The following INO80 variants were observed in gnomAD, a reference collection of about 807,000 sequenced individuals.
INO80 encodes chromatin-remodeling ATPase INO80.
In INO80, 20 loss-of-function variants were observed where a neutral mutation model predicts 203.4. That is an observed-to-expected ratio of 0.10 (90% confidence interval 0.07 to 0.14). INO80 has a LOEUF of 0.14. Among genes scored for constraint, INO80 ranks in the 10% least tolerant of loss-of-function variants. The pLI is 1.00. For missense variants in INO80, 1,419 were observed against 1,914.4 expected, an observed-to-expected ratio of 0.74 and a Z score of 4.83; for synonymous variants, 726 against 685.2, an observed-to-expected ratio of 1.06 and a Z score of -0.93.
chr15:41,050,772 GA>G (rs2044855124), intron 19 of INO80, among the ~76,000 whole-genome samples: 1 of 152,278 alleles, frequency 6.6e-6, no homozygotes, highest in African/African-American at 2.4e-5. Context: ...TTCAACTGCT[GA>G]AAAATCTTCA....
chr15:41,087,469 G>C, intron 6 of INO80, 93 bp downstream of exon 6: 1 of 1,307,582 alleles, frequency 7.6e-7, no homozygotes, highest in Non-Finnish European at 1.1e-6. Flanking sequence ...TCTACCATAT[G>C]GACTTATATA....
chr15:41,075,322 G>A (rs1410157741), intron 9 of INO80, among the ~76,000 whole-genome samples: 2 of 151,454 alleles, frequency 1.3e-5, no homozygotes, highest in African/African-American at 4.9e-5. Flanking sequence ...CCAGGCTGGA[G>A]TGCAATGGCA....
chr15:41,044,683 C>G (rs1425230818), intron 24 of INO80, among the ~76,000 whole-genome samples: 2 of 120,424 alleles, frequency 1.7e-5, no homozygotes, highest in Non-Finnish European at 3.6e-5. Flanking sequence ...GATCTGTGTA[C>G]TTCACAGTAT....
At chr15:41,105,167 C>A (rs777707358) in intron 1 of INO80, among the ~76,000 whole-genome samples, 7 of 152,124 alleles carry the variant, frequency 4.6e-5, no homozygotes, top group Admixed American at 3.3e-4. Flanking sequence ...TACTTTCACT[C>A]TATTAACTAT....
chr15:41,046,196 CGTATACATACATATATATAT>C (rs1566926465), intron 23 of INO80, among the ~76,000 whole-genome samples: 1 of 58,980 alleles, frequency 1.7e-5, no homozygotes, highest in African/African-American at 7.7e-5. Context: ...TCTCTGTGTG[CGTATACATACATATATATAT>C]ATATATATAT....
At chr15:41,003,329 CTTTTCTTTTTTTTT>C (rs1343269823) in intron 28 of INO80, among the ~76,000 whole-genome samples, 1 of 107,576 alleles carries the variant, frequency 9.3e-6, no homozygotes, top group Non-Finnish European at 1.9e-5. Context: ...TTTTTCTTTT[CTTTTCTTTTTTTTT>C]TTTTTGAGAT....
rs180703942 is a variant in INO80, at chr15:41,041,158, C to T, written c.2907+3746G>A. Among the ~76,000 whole-genome samples, 408 of 152,278 alleles carry T rather than the reference C, an allele frequency of 2.7e-3. 3 individuals are homozygous for T. Among genetic ancestry groups the T allele is most frequent in the South Asian group, 0.013 (61 of 4,832 alleles). On this transcript the variant is annotated intron_variant, in intron 24 of 35. Coordinates refer to ENST00000648947, the MANE Select transcript of INO80 (RefSeq NM_017553.3). ...CACCGTTTATTGTAGCCTCAACCTC[C>T]TGGGCTCAGGCGATCCTTCCACCTC...
At chr15:40,999,320 G>C (rs183349599) in intron 28 of INO80, 1 of 152,214 alleles carries the variant, frequency 6.6e-6, no homozygotes, top group Admixed American at 6.5e-5. Flanking sequence ...TCTGTTTCCT[G>C]GACTATAAAA....
chr15:41,010,382 C>T (rs1368992725), intron 27 of INO80, among the ~76,000 whole-genome samples: 1 of 152,086 alleles, frequency 6.6e-6, no homozygotes, highest in Non-Finnish European at 1.5e-5. Flanking sequence ...TCTGTAACAG[C>T]TTCCAATCAC....
chr15:41,072,120 TAAGACTC>T (rs956678149), intron 11 of INO80, 62 bp from the exon 12 acceptor site: 1 of 1,139,692 alleles, frequency 8.8e-7, no homozygotes. Context: ...TACATGAAAA[TAAGACTC>T]AAGATAACAA....
intron 16 of INO80, among the ~76,000 whole-genome samples, chr15:41,057,408 C>T (rs1332575636): frequency 2.0e-5 from 3 of 150,952 alleles, no homozygotes; most frequent in South Asian, 2.1e-4. Flanking sequence ...GCCCCAACTG[C>T]GCCACTGCAC....
intron 1 of INO80, among the ~76,000 whole-genome samples, chr15:41,105,880 T>C (rs1281174759): frequency 6.6e-6 from 1 of 152,182 alleles, no homozygotes; most frequent in African/African-American, 2.4e-5. Context: ...AAGGTTCATC[T>C]TATGTATATT....
At position 40,989,609 on chromosome 15, in the gene INO80, CTT is replaced by C. The variant is rs374808956; in HGVS notation, c.3571-1637_3571-1636del. On this transcript the variant is annotated intron_variant, in intron 29 of 35. Transcript: ENST00000648947. ...AGCACTCTGTTACATCAGCAGGACT[CTT>C]AGATCTCGGTCTCTTTCCTCTTCAG... 6.6e-4 allele frequency among the ~76,000 whole-genome samples: 101 copies of C among 152,308 alleles called. 2 individuals are homozygous for C. Among genetic ancestry groups the C allele is most frequent in the African/African-American group, 2.4e-3 (99 of 41,570 alleles).
chr15:40,987,507 A>G (rs1349932127), intron 30 of INO80, among the ~76,000 whole-genome samples: 1 of 152,224 alleles, frequency 6.6e-6, no homozygotes, highest in Non-Finnish European at 1.5e-5. Flanking sequence ...GAGTACTAGG[A>G]TAGGAACTAA....
At chr15:41,010,850 T>G (rs183965986) in intron 27 of INO80, among the ~76,000 whole-genome samples, 1 of 152,220 alleles carries the variant, frequency 6.6e-6, no homozygotes, top group Non-Finnish European at 1.5e-5. Flanking sequence ...CTCAATATGG[T>G]CCACAAACCT....
intron 25 of INO80, among the ~76,000 whole-genome samples, chr15:41,027,317 G>A (rs556877861): frequency 6.6e-6 from 1 of 152,180 alleles, no homozygotes; most frequent in Admixed American, 6.5e-5. Context: ...TATTCTACCT[G>A]ACAGATGGTT....
At chr15:41,079,674 T>C (rs759889165) in intron 9 of INO80, 27 bp downstream of exon 9, 1 of 1,608,206 alleles carries the variant, frequency 6.2e-7, no homozygotes, top group Non-Finnish European at 8.5e-7. Flanking sequence ...TAATTAGGGT[T>C]TTCAAAATGT....
chr15:41,071,688 C>T (rs1347088477), intron 12 of INO80, among the ~76,000 whole-genome samples, 161 bp downstream of exon 12: 1 of 151,722 alleles, frequency 6.6e-6, no homozygotes, highest in Non-Finnish European at 1.5e-5. Context: ...CTCGAACTCC[C>T]AACCTCAGGT....
At chr15:41,052,882 A>C (rs2044906629) in intron 19 of INO80, among the ~76,000 whole-genome samples, 1 of 151,370 alleles carries the variant, frequency 6.6e-6, no homozygotes. Context: ...AAAATACAAA[A>C]ATTAGCCAGG....
Sources: gnomAD v4.1 joint callset for allele counts (sites outside exome capture counted in the v4.1 genomes callset) on GRCh38, gnomAD v4.1.1 for gene constraint, MANE v1.5 for transcripts, NCBI Gene and HGNC (gene_info 2026-07-23, HGNC 2026-07-21) for gene names.